Variants in ZNF438 observed in about 807,000 individuals in gnomAD.
ZNF438 encodes zinc finger protein 438.
A neutral mutation model predicts 38.0 loss-of-function variants in ZNF438; 25 were observed. The ratio of observed to expected loss-of-function variants is 0.66; its 90% CI spans 0.48 to 0.92. The LOEUF is 0.92. Ranked by LOEUF, ZNF438 falls within the 40% of genes least tolerant of loss-of-function variation. The probability of loss-of-function intolerance (pLI) is 0.00; values close to 1 mark genes in which losing one functional copy is unlikely to be tolerated. For missense variants in ZNF438, 1,007 were observed against 999.6 expected, an observed-to-expected ratio of 1.01 and a Z score of -0.10; for synonymous variants, 372 against 364.1, an observed-to-expected ratio of 1.02 and a Z score of -0.25.
rs369666740 is a variant in ZNF438 at position 30,953,724 on chromosome 10, G to A, written c.-191-12073C>T. On this transcript the variant is annotated intron_variant, in intron 1 of 5. Transcript: ENST00000413025. ...TTGGGACCAGAGGTGAGCAGAAGCT[G>A]GAAGTGACTTAAGAAGACTGTTAGT... Among the ~76,000 whole-genome samples the A allele has an allele frequency of 3.3e-5, 5 of 151,690 alleles. No homozygotes were observed. The East Asian group carries it at 9.7e-4, about 29-fold the overall frequency.
chr10:30,849,783 T>C, exon 5 of ZNF438: 1 of 1,614,182 alleles, frequency 6.2e-7, no homozygotes, highest in South Asian at 1.1e-5. Flanking sequence ...TGGGTGTTGG[T>C]CACTGGTGGT....
intron 2 of ZNF438, among the ~76,000 whole-genome samples, chr10:30,931,795 G>A (rs2045728916): frequency 6.6e-6 from 1 of 152,172 alleles, no homozygotes; most frequent in Non-Finnish European, 1.5e-5. Context: ...ATCAAGTTGT[G>A]TAATTATTTT....
chr10:30,995,050 A>AT (rs1409167853), intron 1 of ZNF438, among the ~76,000 whole-genome samples: 13 of 151,754 alleles, frequency 8.6e-5, no homozygotes, highest in Non-Finnish European at 1.6e-4. Context: ...GAGGAAAAAA[A>AT]AAAATGAATG....
chr10:30,902,074 C>T (rs1022883308), intron 3 of ZNF438, among the ~76,000 whole-genome samples: 1 of 152,096 alleles, frequency 6.6e-6, no homozygotes, highest in Non-Finnish European at 1.5e-5. Flanking sequence ...TGGGCAGCAG[C>T]AAGATTTATT....
At chr10:30,917,272 G>C (rs758344639) in intron 2 of ZNF438, among the ~76,000 whole-genome samples, 1 of 152,008 alleles carries the variant, frequency 6.6e-6, no homozygotes, top group Non-Finnish European at 1.5e-5. Context: ...TCCAGTTTCT[G>C]GCTAGTATGA....
At chr10:30,955,866 C>A (rs2048812354) in intron 1 of ZNF438, among the ~76,000 whole-genome samples, 1 of 152,138 alleles carries the variant, frequency 6.6e-6, no homozygotes, top group African/African-American at 2.4e-5. Flanking sequence ...CCCATTACCA[C>A]CTTCTACAAC....
intron 1 of ZNF438, among the ~76,000 whole-genome samples, chr10:30,962,247 T>C (rs959121532): frequency 6.8e-6 from 1 of 147,188 alleles, no homozygotes; most frequent in African/African-American, 2.4e-5. Flanking sequence ...CTTCAGCCTC[T>C]TTCCCACTAA....
At chr10:30,960,403 G>C (rs1281664057) in intron 1 of ZNF438, among the ~76,000 whole-genome samples, 1 of 146,828 alleles carries the variant, frequency 6.8e-6, no homozygotes, top group East Asian at 1.9e-4. Flanking sequence ...TATAATTTTA[G>C]CTCTTACATT....
At chr10:30,861,938 A>G (rs1037526227) in intron 4 of ZNF438, among the ~76,000 whole-genome samples, 4 of 152,226 alleles carry the variant, frequency 2.6e-5, no homozygotes, top group Admixed American at 6.5e-5. Flanking sequence ...TTCCAAGGAC[A>G]CTAAGCCAGG....
chr10:30,850,969 T>A (rs1472150033), intron 4 of ZNF438, among the ~76,000 whole-genome samples: 1 of 152,230 alleles, frequency 6.6e-6, no homozygotes, highest in South Asian at 2.1e-4. Context: ...AGTGGATGCA[T>A]TCCAGACTGA....
chr10:30,845,255 G>A, exon 6 of ZNF438: 1 of 1,614,152 alleles, frequency 6.2e-7, no homozygotes, highest in Admixed American at 1.7e-5. Context: ...TCTGATGAAG[G>A]TGGAGCTGCC....
chr10:30,897,503 G>A (rs2041492161), intron 3 of ZNF438, among the ~76,000 whole-genome samples: 1 of 152,156 alleles, frequency 6.6e-6, no homozygotes, highest in African/African-American at 2.4e-5. Flanking sequence ...GCTCCAGATT[G>A]GTCCCAGCAG....
intron 3 of ZNF438, among the ~76,000 whole-genome samples, chr10:30,902,825 G>A (rs932729148): frequency 1.3e-5 from 2 of 152,228 alleles, no homozygotes; most frequent in African/African-American, 4.8e-5. Context: ...TCAGCCCTTG[G>A]GTGGTAGATG....
chr10:30,932,834 A>G (rs2045843638), intron 2 of ZNF438, among the ~76,000 whole-genome samples: 1 of 152,170 alleles, frequency 6.6e-6, no homozygotes, highest in South Asian at 2.1e-4. Context: ...TATCCTCACA[A>G]GAGGAGGAAA....
intron 1 of ZNF438, among the ~76,000 whole-genome samples, chr10:30,975,957 G>C (rs61845160): frequency 0.053 from 7,987 of 152,036 alleles, 250 homozygotes; most frequent in Non-Finnish European, 0.071. Context: ...AATGAAAACA[G>C]AGAAGCAGAT....
At chr10:30,925,624 C>A (rs2044824892) in intron 2 of ZNF438, among the ~76,000 whole-genome samples, 1 of 152,198 alleles carries the variant, frequency 6.6e-6, no homozygotes, top group Admixed American at 6.5e-5. Flanking sequence ...CTTTCCAAGC[C>A]TTTCCAACCT....
chr10:31,028,023 GAC>G (rs1256394471), intron 1 of ZNF438, among the ~76,000 whole-genome samples: 1 of 151,936 alleles, frequency 6.6e-6, no homozygotes, highest in Non-Finnish European at 1.5e-5. Context: ...ACGGGAACAA[GAC>G]ACATCTTTTT....
chr10:30,883,215 T>TA (rs1206765636), intron 3 of ZNF438, among the ~76,000 whole-genome samples: 1 of 152,190 alleles, frequency 6.6e-6, no homozygotes, highest in Non-Finnish European at 1.5e-5. Flanking sequence ...AAAATGATAA[T>TA]ACAAACTTTG....
At chr10:30,930,829 A>AAAAAAAAAAAAAAAAAAAAC in intron 2 of ZNF438, among the ~76,000 whole-genome samples, 1 of 117,204 alleles carries the variant, frequency 8.5e-6, no homozygotes, top group Non-Finnish European at 1.8e-5. Context: ...AAAAAAAAAA[A>AAAAAAAAAAAAAAAAAAAAC]AAAAAGCAAA....
Sources: gnomAD v4.1 joint callset for allele counts (sites outside exome capture counted in the v4.1 genomes callset) on GRCh38, gnomAD v4.1.1 for gene constraint, MANE v1.5 for transcripts, NCBI Gene and HGNC (gene_info 2026-07-23, HGNC 2026-07-21) for gene names.